The following NCOR2 variants were observed in gnomAD, a reference collection of about 807,000 sequenced individuals.
The protein encoded by NCOR2 is nuclear receptor corepressor 2, also known as CTG repeat protein 26.
NCOR2 carries 81 observed loss-of-function variants against 262.9 expected under a neutral mutation model. The observed-to-expected ratio is 0.31, with a 90% CI of 0.26 to 0.37. The LOEUF (loss-of-function observed/expected upper bound fraction) is 0.37, where lower values mean the gene tolerates loss of function less well. Ranked by LOEUF, NCOR2 falls within the 10% of genes least tolerant of loss-of-function variation. NCOR2 has a pLI of 1.00. For synonymous variants in NCOR2, 1,659 were observed against 1,559.3 expected, an observed-to-expected ratio of 1.06 and a Z score of -1.51; for missense variants, 3,385 against 3,621.4, an observed-to-expected ratio of 0.93 and a Z score of 1.68.
Position 124,559,981 on chromosome 12 carries a change from CCT to C in NCOR2, c.-165+7325_-165+7326del, listed in dbSNP as rs1045555945. Among the ~76,000 whole-genome samples the C allele has an allele frequency of 5.3e-5, 8 of 152,268 alleles. No individual in the cohort carries two copies. In the South Asian group the frequency reaches 1.2e-3, roughly 24 times the overall value. On this transcript the variant is annotated intron_variant, in intron 1 of 32. Coordinates refer to the NCOR2 transcript ENST00000458234. ...CAAGTGCTTGCTGCCTTAACCATCC[CCT>C]CTTTCCTACTGCATTCTACAACAGC...
intron 16 of NCOR2, among the ~76,000 whole-genome samples, chr12:124,391,440 G>T (rs933209552): frequency 6.6e-6 from 1 of 152,028 alleles, no homozygotes; most frequent in African/African-American, 2.4e-5. Context: ...GGGAGGAAAA[G>T]AACCCAGCCG....
chr12:124,448,732 C>T (rs2045341469), intron 7 of NCOR2, among the ~76,000 whole-genome samples: 1 of 152,226 alleles, frequency 6.6e-6, no homozygotes, highest in Non-Finnish European at 1.5e-5. Flanking sequence ...TCGACTAGTC[C>T]AGCACCAGCA....
chr12:124,350,648 G>A, exon 28 of NCOR2: 1 of 1,613,950 alleles, frequency 6.2e-7, no homozygotes, highest in South Asian at 1.1e-5. Flanking sequence ...TGGGCAGGCT[G>A]TCCTCCCGGC....
chr12:124,474,289 T>A (rs538817696), intron 3 of NCOR2, among the ~76,000 whole-genome samples: 5 of 152,380 alleles, frequency 3.3e-5, no homozygotes, highest in Non-Finnish European at 5.9e-5. Context: ...CAGAACGGGC[T>A]ACAGTTAAGC....
intron 22 of NCOR2, 168 bp from the exon 25 acceptor site, chr12:124,356,950 C>T (rs975875669): frequency 5.2e-6 from 4 of 766,540 alleles, no homozygotes; most frequent in Non-Finnish European, 7.5e-6. Flanking sequence ...CTGGGCGCTG[C>T]TCTGTAACCC....
At position 124,473,081 on chromosome 12, in the gene NCOR2, C is replaced by T. The variant is rs10846679; in HGVS notation, c.462G>A (p.Pro154=). The change falls in exon 4 of 47, where the codon CCG becomes CCA. Residue 154 remains proline (P), a synonymous_variant. Transcript: ENST00000405201. ...CCAGCTCCAGCTCAGGGTCAGTGTGCGGGGGGCTGGGGGGAGACACCGGTT... is the reference window on the plus strand; with the variant it reads ...CCAGCTCCAGCTCAGGGTCAGTGTGTGGGGGGCTGGGGGGAGACACCGGTT... 0.13 allele frequency: 207,752 copies of T among 1,613,712 alleles called. 14,514 individuals are homozygous for T. The highest frequency in any genetic ancestry group is 0.19 in the South Asian group (17,371 of 91,054).
chr12:124,500,658 G>C (rs2048651212), intron 1 of NCOR2, among the ~76,000 whole-genome samples: 1 of 152,198 alleles, frequency 6.6e-6, no homozygotes, highest in South Asian at 2.1e-4. Flanking sequence ...TGGCCGGGCA[G>C]AGGCGCCTTT....
intron 28 of NCOR2, chr12:124,348,582 G>T (rs1278700738): frequency 4.0e-6 from 2 of 501,526 alleles, no homozygotes; most frequent in African/African-American, 2.0e-5. Flanking sequence ...GCCCTCCAGG[G>T]TGCTCTGTCT....
intron 1 of NCOR2, among the ~76,000 whole-genome samples, chr12:124,490,366 C>T (rs12302112): frequency 0.033 from 5,009 of 152,112 alleles, 101 homozygotes; most frequent in Admixed American, 0.069. Context: ...ACTGCAAGGG[C>T]CTGGAAGAGG....
At chr12:124,391,619 T>A (rs2041311718) in intron 16 of NCOR2, among the ~76,000 whole-genome samples, 1 of 152,200 alleles carries the variant, frequency 6.6e-6, no homozygotes, top group African/African-American at 2.4e-5. Flanking sequence ...CCTATCAGGA[T>A]GTTGGCTGGA....
chr12:124,391,370 C>T lies in NCOR2; in HGVS notation c.1877-5483G>A, dbSNP rs187405893. ...CCAGAGGGGTGCATCGACCACCGCC[C>T]CCCACCTGCCATTTTCCCCGAGAAA... On this transcript the variant is annotated intron_variant, in intron 16 of 46. Transcript: ENST00000405201. Among the ~76,000 whole-genome samples, 9 of 152,304 alleles carry T rather than the reference C, an allele frequency of 5.9e-5. No homozygotes were observed. In the East Asian group the frequency reaches 1.3e-3, roughly 23 times the overall value.
chr12:124,553,100 C>CT (rs2051766074), intron 1 of NCOR2, among the ~76,000 whole-genome samples: 2 of 152,344 alleles, frequency 1.3e-5, no homozygotes, highest in South Asian at 4.1e-4. Context: ...AGGGGAGAAC[C>CT]TGTCCATCAC....
At position 124,375,742 on chromosome 12, in the gene NCOR2, T is replaced by G. The variant is rs531015383; in HGVS notation, c.2168-1279A>C. Among the ~76,000 whole-genome samples the G allele has an allele frequency of 2.0e-5, 3 of 152,292 alleles. No individual in the cohort carries two copies. In the East Asian group the frequency reaches 5.8e-4, roughly 29 times the overall value. Reference sequence around the variant, plus strand: ...TGCCTCAGTCTCCCCATCTGTCAAATGCGGAGAACAGCATGGCTTCATTCA... The same window carrying G: ...TGCCTCAGTCTCCCCATCTGTCAAAGGCGGAGAACAGCATGGCTTCATTCA... On this transcript the variant is annotated intron_variant, in intron 18 of 46. Transcript: ENST00000405201.
At chr12:124,456,467 G>A (rs2045861991) in intron 6 of NCOR2, among the ~76,000 whole-genome samples, 1 of 152,168 alleles carries the variant, frequency 6.6e-6, no homozygotes, top group Admixed American at 6.5e-5. Context: ...GCATCTTTCC[G>A]CAGCAAAAGG....
chr12:124,387,556 CG>C lies in NCOR2; in HGVS notation c.1877-1670del, dbSNP rs2040907848. 2.6e-5 allele frequency among the ~76,000 whole-genome samples: 4 copies of C among 152,326 alleles called. No individual in the cohort carries two copies. In the South Asian group the frequency reaches 8.3e-4, roughly 32 times the overall value. On this transcript the variant is annotated intron_variant, in intron 16 of 46. Coordinates refer to ENST00000405201, the Ensembl canonical transcript of NCOR2. ...CCTCCGGGTCCTCTGGCCCCCGTGG[CG>C]TGGGGGTGGCACTGACTGACAGGCC... is the stretch of plus-strand genomic sequence containing the variant.
intron 1 of NCOR2, among the ~76,000 whole-genome samples, chr12:124,565,639 GAAT>G (rs1333026176): frequency 1.3e-5 from 2 of 151,804 alleles, no homozygotes; most frequent in African/African-American, 2.4e-5. Flanking sequence ...TAGAACCCAG[GAAT>G]AATAATACCG....
intron 10 of NCOR2, among the ~76,000 whole-genome samples, chr12:124,427,243 C>A (rs2043603729): frequency 6.6e-6 from 1 of 152,174 alleles, no homozygotes. Flanking sequence ...CCCAGGGGCG[C>A]AGAGAGGGTC....
At chr12:124,555,475 T>C (rs928628023) in intron 1 of NCOR2, among the ~76,000 whole-genome samples, 1 of 152,210 alleles carries the variant, frequency 6.6e-6, no homozygotes, top group Non-Finnish European at 1.5e-5. Flanking sequence ...GATGTATACA[T>C]GCTCGGGTGT....
At chr12:124,348,538 G>T in intron 28 of NCOR2, 1 of 578,498 alleles carries the variant, frequency 1.7e-6, no homozygotes, top group Non-Finnish European at 3.0e-6. Context: ...CACGGTGGGA[G>T]ATGCAGGGCA....
Sources: gnomAD v4.1 joint callset for allele counts (sites outside exome capture counted in the v4.1 genomes callset) on GRCh38, gnomAD v4.1.1 for gene constraint, MANE v1.5 for transcripts, NCBI Gene and HGNC (gene_info 2026-07-23, HGNC 2026-07-21) for gene names.